The following AGTR1 variants were observed in gnomAD, a reference collection of about 807,000 sequenced individuals.
AGTR1 encodes the protein type-1 angiotensin II receptor.
AGTR1 carries 16 observed loss-of-function variants against 19.4 expected under a neutral mutation model. The observed-to-expected ratio is 0.82, with a 90% CI of 0.56 to 1.25. AGTR1 has a LOEUF of 1.25. AGTR1 is among the 50% of genes most tolerant of loss of function. The pLI is 0.00. For missense variants in AGTR1, 373 were observed against 431.9 expected (o/e 0.86, Z 1.21); for synonymous variants, 153 against 154.9 (o/e 0.99, Z 0.09).
chr3:148,710,901 C>G (rs1278833716), intron 2 of AGTR1, among the ~76,000 whole-genome samples: 1 of 151,914 alleles, frequency 6.6e-6, no homozygotes, highest in Non-Finnish European at 1.5e-5. Flanking sequence ...ACACCTCCCC[C>G]CTCTCTCTCT....
At chr3:148,722,293 C>T (rs907727572) in intron 2 of AGTR1, among the ~76,000 whole-genome samples, 2 of 152,028 alleles carry the variant, frequency 1.3e-5, no homozygotes, top group Non-Finnish European at 2.9e-5. Flanking sequence ...GTTCAAAATG[C>T]TTGATGGAAG....
At chr3:148,740,048 C>G in intron 2 of AGTR1, 2 of 1,093,502 alleles carry the variant, frequency 1.8e-6, no homozygotes, top group Non-Finnish European at 2.3e-6. Context: ...TTCTAAATCA[C>G]ATAAATGAAT....
At chr3:148,732,005 C>T (rs566572462) in intron 2 of AGTR1, among the ~76,000 whole-genome samples, 4 of 152,228 alleles carry the variant, frequency 2.6e-5, no homozygotes, top group South Asian at 4.1e-4. Context: ...CTGCCCTCAC[C>T]TCTGTGTTTT....
At chr3:148,731,836 A>C (rs1714274993) in intron 2 of AGTR1, among the ~76,000 whole-genome samples, 1 of 152,258 alleles carries the variant, frequency 6.6e-6, no homozygotes, top group South Asian at 2.1e-4. Context: ...AATAAATAAA[A>C]AGTAAAGAAC....
rs1175671736 is a variant in AGTR1, at chr3:148,698,081, A to C, written c.-178A>C. On this transcript the variant is annotated 5_prime_UTR_variant, in exon 1 of 3. Transcript: ENST00000349243. The stretch of plus-strand genomic sequence containing the variant: ...AGGCGGCGGGCGGGAGACCCGCACC[A>C]GCGCAGCCGGCCCTCGGCGGGACGT... 1 of 152,194 alleles carries C rather than the reference A, an allele frequency of 6.6e-6. No homozygotes were observed. Among genetic ancestry groups the C allele is most frequent in the Non-Finnish European group, 1.5e-5 (1 of 68,052 alleles). The allele number at this position is 152,194 out of a possible 1,614,324, so 9.4% of individuals were successfully genotyped here.
intron 2 of AGTR1, among the ~76,000 whole-genome samples, chr3:148,722,085 T>C (rs1364691616): frequency 6.6e-6 from 1 of 152,170 alleles, no homozygotes; most frequent in Non-Finnish European, 1.5e-5. Context: ...TTTGTAGGAA[T>C]ACAAAAGCAT....
chr3:148,713,327 A>G (rs939526115), intron 2 of AGTR1, among the ~76,000 whole-genome samples: 1 of 151,866 alleles, frequency 6.6e-6, no homozygotes, highest in Non-Finnish European at 1.5e-5. Context: ...GGGAATATAT[A>G]TATATATATA....
intron 2 of AGTR1, among the ~76,000 whole-genome samples, chr3:148,739,285 G>T (rs1018687406): frequency 6.6e-6 from 1 of 152,032 alleles, no homozygotes; most frequent in African/African-American, 2.4e-5. Context: ...CTTGAACCTG[G>T]GAGGTAGAGA....
intron 2 of AGTR1, among the ~76,000 whole-genome samples, chr3:148,708,408 G>A (rs1433388658): frequency 6.6e-6 from 1 of 152,042 alleles, no homozygotes; most frequent in Non-Finnish European, 1.5e-5. Context: ...TACTTCCTGG[G>A]CGATTTGGGT....
intron 2 of AGTR1, among the ~76,000 whole-genome samples, chr3:148,708,580 G>T (rs1226279500): frequency 2.0e-5 from 3 of 152,156 alleles, no homozygotes; most frequent in African/African-American, 7.2e-5. Context: ...TGTGAAATTG[G>T]AGATGGAGGT....
intron 1 of AGTR1, among the ~76,000 whole-genome samples, chr3:148,702,901 CTCATTTAG>C (rs1247195224): frequency 6.6e-6 from 1 of 152,058 alleles, no homozygotes; most frequent in African/African-American, 2.4e-5. Flanking sequence ...TTTTTCTAAT[CTCATTTAG>C]ATACACTGTC....
chr3:148,699,958 A>G (rs12695867), intron 1 of AGTR1, among the ~76,000 whole-genome samples: 7,232 of 152,172 alleles, frequency 0.048, 555 homozygotes, highest in African/African-American at 0.16. Flanking sequence ...ACTGATGCCA[A>G]TGGAAGACTT....
At chr3:148,725,354 T>C (rs1254806476) in intron 2 of AGTR1, among the ~76,000 whole-genome samples, 2 of 152,222 alleles carry the variant, frequency 1.3e-5, no homozygotes, top group Admixed American at 6.5e-5. Context: ...AATTGCTTTA[T>C]GGGATTAATA....
chr3:148,741,104 G>A lies in AGTR1; in HGVS notation c.69G>A (p.Arg23=). 1 of 1,614,056 alleles carries A rather than the reference G, an allele frequency of 6.2e-7. No individual in the cohort carries two copies. The highest frequency in any genetic ancestry group is 2.2e-5 in the East Asian group (1 of 44,894). The change falls in exon 3 of 3, where the codon AGG becomes AGA. Residue 23 remains arginine (R), a synonymous_variant. Coordinates refer to ENST00000349243, the MANE Select transcript of AGTR1 (RefSeq NM_000685.5). Reference sequence around the variant, plus strand: ...AAGATGATTGTCCCAAAGCTGGAAGGCATAATTACATATTTGTCATGATTC... The same window carrying A: ...AAGATGATTGTCCCAAAGCTGGAAGACATAATTACATATTTGTCATGATTC... ...RIQDDCPKAG[R]HNYIFVMIPT...
At chr3:148,704,968 A>T (rs934387523) in intron 1 of AGTR1, among the ~76,000 whole-genome samples, 2 of 152,196 alleles carry the variant, frequency 1.3e-5, no homozygotes, top group African/African-American at 4.8e-5. Flanking sequence ...GTTAGGGCAA[A>T]ATCAATCCAG....
intron 2 of AGTR1, among the ~76,000 whole-genome samples, chr3:148,711,947 T>G (rs965816851): frequency 1.1e-4 from 17 of 152,204 alleles, no homozygotes; most frequent in African/African-American, 4.1e-4. Context: ...AGATGTCGTC[T>G]TGCTACATTG....
intron 2 of AGTR1, among the ~76,000 whole-genome samples, chr3:148,723,158 C>T (rs979511937): frequency 2.0e-5 from 3 of 152,134 alleles, no homozygotes; most frequent in Non-Finnish European, 4.4e-5. Flanking sequence ...AATGTGTTCT[C>T]TTCCTGCACT....
intron 2 of AGTR1, 117 bp from the exon 3 acceptor site, chr3:148,740,871 AT>A (rs947325428): frequency 4.8e-5 from 41 of 861,346 alleles, no homozygotes; most frequent in Non-Finnish European, 6.1e-5. Flanking sequence ...ATGATCCAGT[AT>A]TTTTTCCTAA....
At chr3:148,719,442 G>T in intron 2 of AGTR1, among the ~76,000 whole-genome samples, 1 of 152,292 alleles carries the variant, frequency 6.6e-6, no homozygotes, top group Non-Finnish European at 1.5e-5. Context: ...AAAAGATCTT[G>T]TGAACAGAGC....
Sources: allele counts gnomAD v4.1 joint callset (sites outside exome capture counted in the v4.1 genomes callset), GRCh38; gene constraint gnomAD v4.1.1; transcripts MANE v1.5; gene names NCBI Gene and HGNC (gene_info 2026-07-23, HGNC 2026-07-21).